Variants in NECTIN3 observed in about 807,000 individuals in gnomAD.
NECTIN3 encodes nectin cell adhesion molecule 3, also known as nectin-3.
NECTIN3 carries 8 observed loss-of-function variants against 49.4 expected under a neutral mutation model. The observed-to-expected ratio is 0.16, with a 90% confidence interval of 0.10 to 0.29. The LOEUF (loss-of-function observed/expected upper bound fraction) is 0.29. Among genes scored for constraint, NECTIN3 ranks in the 10% least tolerant of loss-of-function variants. The probability of loss-of-function intolerance (pLI) is 1.00; values close to 1 mark genes in which losing one functional copy is unlikely to be tolerated. For missense variants in NECTIN3, 581 were observed against 654.6 expected, an observed-to-expected ratio of 0.89 and a Z score of 1.23; for synonymous variants, 277 against 241.1, an observed-to-expected ratio of 1.15 and a Z score of -1.38.
rs1026711299 is a variant in NECTIN3, at chr3:111,072,114, C to T, written c.97C>T (p.Pro33Ser). Residue 33 changes from proline (P) to serine (S), a missense_variant, in exon 1 of 6, where the codon CCC becomes TCC. Coordinates refer to ENST00000485303, the MANE Select transcript of NECTIN3 (RefSeq NM_015480.3). ...SLLGAGLLLQ[P>S]PTPPPLLLLL... is the part of the protein sequence containing the mutation. The stretch of plus-strand genomic sequence containing the variant: ...CCTCGGAGCCGGGCTCCTGCTGCAG[C>T]CCCCGACGCCACCTCCGCTGCTGCT... 51 of 1,549,242 alleles carry T rather than the reference C, an allele frequency of 3.3e-5. No individual in the cohort carries two copies. Among genetic ancestry groups the T allele is most frequent in the Non-Finnish European group, 4.4e-5 (51 of 1,146,148 alleles).
chr3:111,124,265 C>A (rs921274181), intron 4 of NECTIN3, among the ~76,000 whole-genome samples: 2 of 152,040 alleles, frequency 1.3e-5, no homozygotes, highest in African/African-American at 4.8e-5. Context: ...AATCATTTAA[C>A]CCCTCTAATC....
intron 6 of NECTIN3, among the ~76,000 whole-genome samples, chr3:111,146,085 T>G (rs991686038): frequency 5.3e-4 from 81 of 152,296 alleles, no homozygotes; most frequent in African/African-American, 1.8e-3. Flanking sequence ...AAATAAAAGA[T>G]GATAAAATGC....
At chr3:111,095,201 A>G (rs960829734) in intron 1 of NECTIN3, among the ~76,000 whole-genome samples, 3 of 152,226 alleles carry the variant, frequency 2.0e-5, no homozygotes, top group South Asian at 2.1e-4. Context: ...TTGCGTATAC[A>G]CAGACCACCT....
At chr3:111,077,462 A>C (rs576116570) in intron 1 of NECTIN3, among the ~76,000 whole-genome samples, 1 of 152,042 alleles carries the variant, frequency 6.6e-6, no homozygotes, top group Non-Finnish European at 1.5e-5. Context: ...GAACAGAAAA[A>C]GGGAGTGGGG....
rs919535655 is a variant in NECTIN3 at position 111,113,912 on chromosome 3, G to T, written c.502+1541G>T. Among the ~76,000 whole-genome samples, 6 of 152,110 alleles carry T rather than the reference G, an allele frequency of 3.9e-5. No homozygotes were observed. In the East Asian group the frequency reaches 1.2e-3, roughly 29 times the overall value. The stretch of plus-strand genomic sequence containing the variant: ...GTCTTGAGAATCACCTGTACCTGGA[G>T]GCGGAAGTTGCAGTGAGCCGAGATT... On this transcript the variant is annotated intron_variant, in intron 2 of 5. Coordinates refer to ENST00000485303, the MANE Select transcript of NECTIN3 (RefSeq NM_015480.3).
intron 1 of NECTIN3, among the ~76,000 whole-genome samples, chr3:111,099,432 TA>T (rs1198711921): frequency 1.3e-5 from 2 of 152,200 alleles, no homozygotes; most frequent in Non-Finnish European, 2.9e-5. Context: ...ACTGTAGCCA[TA>T]ACGTTCATTG....
rs1253343825 is a variant in NECTIN3, at chr3:111,133,696, C to T, written c.1131C>T (p.Ile377=). The T allele has an allele frequency of 3.1e-6, 5 of 1,613,708 alleles. No individual in the cohort carries two copies. The highest frequency in any genetic ancestry group is 3.4e-6 in the Non-Finnish European group (4 of 1,179,840). Residue 377 remains isoleucine, a synonymous_variant, in exon 6 of 6, where the codon ATC becomes ATT. Transcript: ENST00000485303. ...TIQWHPSTAD[I]EDLATEPKKL... ...AGTGGCATCCCTCAACTGCTGACAT[C>T]GAGGATCTAGCAACAGAACCTAAAA...
chr3:111,172,722 C>T (rs2035456865), intron 7 of NECTIN3, among the ~76,000 whole-genome samples: 1 of 152,126 alleles, frequency 6.6e-6, no homozygotes, highest in African/African-American at 2.4e-5. Flanking sequence ...AATATTTTTC[C>T]TATTGGCCTG....
chr3:111,098,578 G>A lies in NECTIN3; in HGVS notation c.161-13452G>A, dbSNP rs571384299. Reference sequence around the variant, plus strand: ...TTTTCTGTAAGGACACTTGTCATTGGATTTGGGATCTACCTGGATAATCCA... The same window carrying A: ...TTTTCTGTAAGGACACTTGTCATTGAATTTGGGATCTACCTGGATAATCCA... On this transcript the variant is annotated intron_variant, in intron 1 of 5. Coordinates refer to ENST00000485303, the MANE Select transcript of NECTIN3 (RefSeq NM_015480.3). Among the ~76,000 whole-genome samples, 3 of 152,234 alleles carry A rather than the reference G, an allele frequency of 2.0e-5. No individual in the cohort carries two copies. In the South Asian group the frequency reaches 6.2e-4, roughly 32 times the overall value.
At chr3:111,129,331 T>G (rs1404151114) in intron 5 of NECTIN3, among the ~76,000 whole-genome samples, 1 of 152,206 alleles carries the variant, frequency 6.6e-6, no homozygotes, top group Admixed American at 6.5e-5. Context: ...TATTGCCATG[T>G]AAATATGTAA....
chr3:111,154,370 A>C (rs1004059382), intron 7 of NECTIN3, among the ~76,000 whole-genome samples: 2 of 152,198 alleles, frequency 1.3e-5, no homozygotes, highest in Admixed American at 1.3e-4. Flanking sequence ...TTACGTAGCT[A>C]TAATATACTG....
At chr3:111,174,689 G>C (rs1049986163) in intron 7 of NECTIN3, among the ~76,000 whole-genome samples, 1 of 138,528 alleles carries the variant, frequency 7.2e-6, no homozygotes, top group African/African-American at 2.7e-5. Context: ...TGGCTTGCCT[G>C]TTCCATCGCC....
intron 1 of NECTIN3, among the ~76,000 whole-genome samples, chr3:111,093,852 G>C (rs2032421353): frequency 6.6e-6 from 1 of 152,116 alleles, no homozygotes; most frequent in African/African-American, 2.4e-5. Context: ...TTAGATAGTG[G>C]ATGGAATGTA....
intron 1 of NECTIN3, among the ~76,000 whole-genome samples, 187 bp from the exon 2 acceptor site, chr3:111,111,842 GT>G (rs1394693024): frequency 2.0e-5 from 3 of 151,464 alleles, no homozygotes; most frequent in African/African-American, 7.3e-5. Context: ...ATTTCTTTTT[GT>G]TACTCAGTTG....
chr3:111,128,975 T>C (rs144906074), intron 5 of NECTIN3, among the ~76,000 whole-genome samples: 22 of 152,312 alleles, frequency 1.4e-4, no homozygotes, highest in African/African-American at 5.3e-4. Flanking sequence ...ACCAAATCCT[T>C]ACAATGACTT....
Position 111,134,876 on chromosome 3 carries a change from A to C in NECTIN3, c.*661A>C, listed in dbSNP as rs2034523017. 1 of 983,546 alleles carries C rather than the reference A, an allele frequency of 1.0e-6. No individual in the cohort carries two copies. Among genetic ancestry groups the C allele is most frequent in the Non-Finnish European group, 1.2e-6 (1 of 828,408 alleles). The allele number at this position is 983,546 out of a possible 1,614,324, so 60.9% of individuals were successfully genotyped here. On this transcript the variant is annotated 3_prime_UTR_variant, in exon 6 of 6. Transcript: ENST00000485303. ...AAAACTGTGGTAGTAAACTCAGTGA[A>C]CATGATGTGTGGAAGAGCATAATTA...
intron 1 of NECTIN3, among the ~76,000 whole-genome samples, chr3:111,084,546 T>G (rs1178161613): frequency 6.6e-6 from 1 of 151,900 alleles, no homozygotes; most frequent in Non-Finnish European, 1.5e-5. Context: ...TAGAATAGAG[T>G]CAGACTGAGT....
At chr3:111,142,180 C>T (rs1409781898), downstream of NECTIN3, among the ~76,000 whole-genome samples, 8 of 151,902 alleles carry the variant, frequency 5.3e-5, no homozygotes, top group East Asian at 1.2e-3. Context: ...ATTATTAACA[C>T]CTTAAGTACT....
chr3:111,111,894 T>C (rs1559784895), intron 1 of NECTIN3, 136 bp from the exon 2 acceptor site: 1 of 474,902 alleles, frequency 2.1e-6, no homozygotes. Flanking sequence ...TGTGTGTGTG[T>C]GTGCATGTGT....
Sources: gnomAD v4.1 joint callset for allele counts (sites outside exome capture counted in the v4.1 genomes callset) on GRCh38, gnomAD v4.1.1 for gene constraint, MANE v1.5 for transcripts, NCBI Gene and HGNC (gene_info 2026-07-23, HGNC 2026-07-21) for gene names.